Variants in MAPRE2 observed in about 807,000 individuals in gnomAD.
MAPRE2 encodes microtubule associated protein RP/EB family member 2.
Under a neutral mutation model 43.2 loss-of-function variants are expected in MAPRE2, and 13 were observed. That is an observed-to-expected ratio of 0.30 (90% CI 0.20 to 0.48). MAPRE2 has a LOEUF of 0.48. Ranked by LOEUF, MAPRE2 falls within the 20% of genes least tolerant of loss-of-function variation. The pLI is 0.99. For synonymous variants in MAPRE2, 135 were observed against 148.8 expected, an observed-to-expected ratio of 0.91 and a Z score of 0.68; for missense variants, 161 against 400.2, an observed-to-expected ratio of 0.40 and a Z score of 5.10.
chr18:35,096,779 AGTT>A (rs1242987665), intron 2 of MAPRE2, among the ~76,000 whole-genome samples: 3 of 151,728 alleles, frequency 2.0e-5, no homozygotes, highest in Non-Finnish European at 4.4e-5. Context: ...AAGTAATAAT[AGTT>A]AATAAGTATA....
chr18:35,063,281 G>A (rs1164610905), intron 1 of MAPRE2, among the ~76,000 whole-genome samples: 1 of 151,044 alleles, frequency 6.6e-6, no homozygotes, highest in African/African-American at 2.4e-5. Context: ...TTTTTTTTTT[G>A]TATTTTTAGT....
At chr18:34,977,980 C>A (rs1470455276) in intron 1 of MAPRE2, among the ~76,000 whole-genome samples, 1 of 152,138 alleles carries the variant, frequency 6.6e-6, no homozygotes, top group African/African-American at 2.4e-5. Flanking sequence ...CCAGTGACTT[C>A]GTCAATACAG....
intron 3 of MAPRE2, among the ~76,000 whole-genome samples, chr18:35,099,424 G>C (rs1908573717): frequency 6.6e-6 from 1 of 152,134 alleles, no homozygotes; most frequent in African/African-American, 2.4e-5. Context: ...AGACCAGCCT[G>C]GTCAACATTG....
intron 1 of MAPRE2, among the ~76,000 whole-genome samples, chr18:34,983,145 T>TTTTTTG (rs1380936523): frequency 2.0e-5 from 3 of 152,208 alleles, no homozygotes; most frequent in Admixed American, 2.0e-4. Context: ...AGCCTTAGTC[T>TTTTTTG]TTTTTGTTTT....
At chr18:35,064,000 TAA>T (rs575347953) in intron 1 of MAPRE2, among the ~76,000 whole-genome samples, 45 of 33,960 alleles carry the variant, frequency 1.3e-3, no homozygotes, top group Middle Eastern at 0.025. Context: ...CCTGTCTCTT[TAA>T]AAAAAAAAAA....
chr18:35,033,342 G>C (rs1358217925), intron 2 of MAPRE2, among the ~76,000 whole-genome samples: 2 of 151,782 alleles, frequency 1.3e-5, no homozygotes, highest in African/African-American at 4.8e-5. Flanking sequence ...CAATAAATTA[G>C]GTATTGATGG....
chr18:34,983,087 C>T (rs1389966122), intron 1 of MAPRE2, among the ~76,000 whole-genome samples: 1 of 152,166 alleles, frequency 6.6e-6, no homozygotes, highest in Non-Finnish European at 1.5e-5. Flanking sequence ...CTCTGATTTA[C>T]CCCAGTTTAA....
intron 2 of MAPRE2, among the ~76,000 whole-genome samples, chr18:35,023,113 A>T (rs796088185): frequency 9.0e-4 from 137 of 152,356 alleles, no homozygotes; most frequent in African/African-American, 3.1e-3. Flanking sequence ...TTAACTCTTT[A>T]AAATGGGATT....
intron 1 of MAPRE2, among the ~76,000 whole-genome samples, chr18:34,983,313 C>A (rs1200811298): frequency 2.0e-5 from 3 of 152,114 alleles, no homozygotes; most frequent in African/African-American, 7.2e-5. Flanking sequence ...TTTAGTGATA[C>A]GGTCAACTGT....
intron 3 of MAPRE2, among the ~76,000 whole-genome samples, chr18:35,100,778 C>T (rs1004034060): frequency 2.0e-5 from 3 of 152,168 alleles, no homozygotes; most frequent in Non-Finnish European, 4.4e-5. Context: ...CAGTGGCTCA[C>T]ACCTGTAATC....
chr18:35,012,819 T>A (rs1470168292), intron 2 of MAPRE2, among the ~76,000 whole-genome samples: 1 of 152,152 alleles, frequency 6.6e-6, no homozygotes, highest in Non-Finnish European at 1.5e-5. Flanking sequence ...TGGAGAAGGA[T>A]GGTGGTGATG....
At chr18:35,098,240 A>T (rs1398822647) in intron 3 of MAPRE2, among the ~76,000 whole-genome samples, 1 of 152,184 alleles carries the variant, frequency 6.6e-6, no homozygotes, top group Non-Finnish European at 1.5e-5. Context: ...CTGCTATTTA[A>T]ATACATACTT....
chr18:35,102,898 C>T (rs1459344088), intron 4 of MAPRE2, among the ~76,000 whole-genome samples: 1 of 152,086 alleles, frequency 6.6e-6, no homozygotes, highest in Non-Finnish European at 1.5e-5. Flanking sequence ...ATCATGTTTC[C>T]ATCTCAATTG....
In MAPRE2 at chr18:35,107,221, C is replaced by T. The variant is rs17645498; in HGVS notation, c.610+5062C>T. The stretch of plus-strand genomic sequence containing the variant: ...AATAGGAATGCCACAAAAGTGGTTT[C>T]AAAAGGAAGCAACCTAAGTAGAATA... On this transcript the variant is annotated intron_variant, in intron 4 of 6. Coordinates refer to ENST00000300249, the MANE Select transcript of MAPRE2 (RefSeq NM_014268.4). Among the ~76,000 whole-genome samples the T allele has an allele frequency of 2.2e-3, 338 of 152,230 alleles. 1 individual carries two copies. Among genetic ancestry groups the T allele is most frequent in the Non-Finnish European group, 3.5e-3 (235 of 68,006 alleles).
chr18:35,017,455 T>C lies in MAPRE2; in HGVS notation c.-8+11902T>C, dbSNP rs191384128. ...TCCATGAGCATGGAATGTTTTCCAT[T>C]TGTTTGTGTCATCTCTGATTTCTTT... On this transcript the variant is annotated intron_variant, in intron 2 of 7. Coordinates refer to the MAPRE2 transcript ENST00000413393. Among the ~76,000 whole-genome samples, 6 of 152,138 alleles carry C rather than the reference T, an allele frequency of 3.9e-5. No homozygotes were observed. In the East Asian group the frequency reaches 5.8e-4, roughly 15 times the overall value.
chr18:35,121,613 A>T (rs1018586417), intron 4 of MAPRE2, among the ~76,000 whole-genome samples: 1 of 152,200 alleles, frequency 6.6e-6, no homozygotes, highest in African/African-American at 2.4e-5. Flanking sequence ...AAAAATTTGA[A>T]ATGTTTGAAT....
intron 1 of MAPRE2, among the ~76,000 whole-genome samples, chr18:34,980,995 G>A (rs2097015929): frequency 1.3e-5 from 2 of 152,014 alleles, no homozygotes; most frequent in Admixed American, 1.3e-4. Context: ...AATTTCCAAA[G>A]ACCAAAATGA....
At chr18:35,050,214 T>A (rs1341360328) in intron 1 of MAPRE2, among the ~76,000 whole-genome samples, 1 of 152,188 alleles carries the variant, frequency 6.6e-6, no homozygotes, top group Non-Finnish European at 1.5e-5. Context: ...CAATTAGCCC[T>A]TTAATAGCAT....
chr18:35,115,120 A>G (rs922750899), intron 4 of MAPRE2, among the ~76,000 whole-genome samples: 2 of 152,162 alleles, frequency 1.3e-5, no homozygotes, highest in African/African-American at 4.8e-5. Context: ...CTATAACTCA[A>G]CTTTGTCTTG....
Sources: gnomAD v4.1 joint callset for allele counts (sites outside exome capture counted in the v4.1 genomes callset) on GRCh38, gnomAD v4.1.1 for gene constraint, MANE v1.5 for transcripts, NCBI Gene and HGNC (gene_info 2026-07-23, HGNC 2026-07-21) for gene names.